Variants in TJP1 observed in about 807,000 individuals in gnomAD.
TJP1 encodes the protein tight junction protein ZO-1.
A neutral mutation model predicts 194.2 loss-of-function variants in TJP1; 43 were observed. The ratio of observed to expected loss-of-function variants is 0.22; its 90% CI spans 0.17 to 0.29. TJP1 has a LOEUF of 0.29. Ranked by LOEUF, TJP1 falls within the 10% of genes least tolerant of loss-of-function variation. TJP1 has a pLI of 1.00. For synonymous variants in TJP1, 801 were observed against 779.0 expected (o/e 1.03, Z -0.47); for missense variants, 1,971 against 2,185.7 (o/e 0.90, Z 1.96).
At chr15:29,741,583 A>T (rs1188422674) in intron 9 of TJP1, 147 bp from the exon 10 acceptor site, 1 of 590,112 alleles carries the variant, frequency 1.7e-6, no homozygotes, top group East Asian at 3.1e-5. Context: ...TATAGTAATA[A>T]ATTCTGAAGT....
chr15:29,772,911 C>T (rs1372813997), intron 3 of TJP1, among the ~76,000 whole-genome samples: 2 of 151,900 alleles, frequency 1.3e-5, no homozygotes, highest in African/African-American at 4.8e-5. Context: ...ACTGCAGGCA[C>T]AAGCCACCAT....
At chr15:29,739,507 G>C (rs1046862141) in intron 10 of TJP1, among the ~76,000 whole-genome samples, 1 of 151,996 alleles carries the variant, frequency 6.6e-6, no homozygotes, top group African/African-American at 2.4e-5. Flanking sequence ...GCAGTGGCGC[G>C]ATCTCGGCTC....
chr15:29,702,925 A>C (rs2041645086), intron 27 of TJP1, among the ~76,000 whole-genome samples: 1 of 140,700 alleles, frequency 7.1e-6, no homozygotes, highest in Non-Finnish European at 1.6e-5. Flanking sequence ...GGTTCGCTTA[A>C]AGTGATCTAC....
chr15:29,707,855 C>T (rs1293205458), intron 25 of TJP1, among the ~76,000 whole-genome samples: 3 of 152,186 alleles, frequency 2.0e-5, no homozygotes, highest in Admixed American at 1.3e-4. Context: ...CCTCCACATG[C>T]ACCTTACCAG....
intron 2 of TJP1, among the ~76,000 whole-genome samples, chr15:29,860,735 C>A (rs2152101259): frequency 6.6e-6 from 1 of 152,124 alleles, no homozygotes; most frequent in Admixed American, 6.5e-5. Flanking sequence ...GCAGGCATAC[C>A]TCATTTTGTT....
chr15:29,914,501 T>C (rs186302246), intron 2 of TJP1, among the ~76,000 whole-genome samples: 5 of 152,084 alleles, frequency 3.3e-5, no homozygotes, highest in Admixed American at 3.3e-4. Flanking sequence ...GGTTGGAAAA[T>C]ACAAAGATGT....
intron 10 of TJP1, among the ~76,000 whole-genome samples, chr15:29,740,680 T>C (rs1052845450): frequency 3.3e-5 from 5 of 151,990 alleles, no homozygotes; most frequent in Non-Finnish European, 7.4e-5. Flanking sequence ...ATAATCATGA[T>C]GGTTTGAAAT....
chr15:29,924,418 C>A (rs2054462418), intron 2 of TJP1, among the ~76,000 whole-genome samples: 1 of 152,088 alleles, frequency 6.6e-6, no homozygotes, highest in Non-Finnish European at 1.5e-5. Context: ...AAATGTTTAA[C>A]AGTAGAAGAA....
At chr15:29,735,051 G>C (rs2043935505) in intron 11 of TJP1, among the ~76,000 whole-genome samples, 1 of 152,074 alleles carries the variant, frequency 6.6e-6, no homozygotes, top group South Asian at 2.1e-4. Flanking sequence ...CCCTGTAAGA[G>C]CATCTGTGTA....
intron 2 of TJP1, among the ~76,000 whole-genome samples, chr15:29,796,405 T>A (rs201360202): frequency 2.7e-5 from 4 of 145,658 alleles, no homozygotes; most frequent in African/African-American, 5.1e-5. Flanking sequence ...AATATTGAAA[T>A]GAAAAAAAAA....
At position 29,905,140 on chromosome 15, in the gene TJP1, T is replaced by C. The variant is rs145542097; in HGVS notation, c.306+51092A>G. ...CAAACTGACAACGTAATTGACAGTA[T>C]TACTGAGAGTGTGAAAAGTACAGTC... On this transcript the variant is annotated intron_variant, in intron 2 of 28. Coordinates refer to the TJP1 transcript ENST00000356107. Among the ~76,000 whole-genome samples, 326 of 152,304 alleles carry C rather than the reference T, an allele frequency of 2.1e-3. 1 individual carries two copies. The highest frequency in any genetic ancestry group is 7.5e-3 in the African/African-American group (312 of 41,560).
chr15:29,796,879 G>GAC (rs1375867790), intron 2 of TJP1, among the ~76,000 whole-genome samples: 1 of 151,774 alleles, frequency 6.6e-6, no homozygotes. Flanking sequence ...ATTGATTTTT[G>GAC]ACAAAGCGAG....
chr15:29,755,360 TACTC>T (rs1466607734), intron 8 of TJP1, among the ~76,000 whole-genome samples: 1 of 152,234 alleles, frequency 6.6e-6, no homozygotes, highest in Non-Finnish European at 1.5e-5. Flanking sequence ...TATTTGGACT[TACTC>T]AGCACTCTTG....
At chr15:29,748,215 T>A (rs1282333288) in intron 8 of TJP1, among the ~76,000 whole-genome samples, 1 of 152,226 alleles carries the variant, frequency 6.6e-6, no homozygotes, top group Non-Finnish European at 1.5e-5. Flanking sequence ...TTTCATCATC[T>A]AAGTTATTAA....
At chr15:29,799,477 T>G (rs1447469399) in intron 2 of TJP1, among the ~76,000 whole-genome samples, 1 of 151,806 alleles carries the variant, frequency 6.6e-6, no homozygotes, top group South Asian at 2.1e-4. Context: ...TGCAGTGGCA[T>G]GATCTCGGCT....
chr15:29,810,252 A>G (rs1241832634), intron 1 of TJP1, among the ~76,000 whole-genome samples: 3 of 152,224 alleles, frequency 2.0e-5, no homozygotes, highest in Non-Finnish European at 4.4e-5. Context: ...GACTGGCTGT[A>G]AGTTGTTAAC....
intron 2 of TJP1, among the ~76,000 whole-genome samples, chr15:29,918,487 T>C (rs1012401036): frequency 6.6e-6 from 1 of 152,066 alleles, no homozygotes; most frequent in Non-Finnish European, 1.5e-5. Flanking sequence ...GTAATCCGAG[T>C]ACTGTGGGGG....
At chr15:29,885,698 T>C (rs2053093756) in intron 2 of TJP1, among the ~76,000 whole-genome samples, 1 of 152,224 alleles carries the variant, frequency 6.6e-6, no homozygotes, top group African/African-American at 2.4e-5. Context: ...TATTTGGGCA[T>C]CTAAGAACAT....
chr15:29,733,328 A>G lies in TJP1; in HGVS notation c.1517-15T>C. On this transcript the variant is annotated splice_polypyrimidine_tract_variant and intron_variant, in intron 12 of 27. Coordinates refer to ENST00000614355, the MANE Select transcript of TJP1 (RefSeq NM_001330239.4). ...GCGACGATAAACTAAAAGGAATAAA[A>G]ACAAACACATTATCAATATTTAGTG... The G allele has an allele frequency of 6.5e-7, 1 of 1,538,612 alleles. No homozygotes were observed. The highest frequency in any genetic ancestry group is 1.7e-4 in the Middle Eastern group (1 of 5,894).
Sources: gnomAD v4.1 joint callset for allele counts (sites outside exome capture counted in the v4.1 genomes callset) on GRCh38, gnomAD v4.1.1 for gene constraint, MANE v1.5 for transcripts, NCBI Gene and HGNC (gene_info 2026-07-23, HGNC 2026-07-21) for gene names.